UBE2D2: variants seen among roughly 807,000 people sequenced by gnomAD.
UBE2D2 encodes the protein ubiquitin conjugating enzyme E2 D2.
Under a neutral mutation model 24.2 loss-of-function variants are expected in UBE2D2, and 2 were observed. That is an observed-to-expected ratio of 0.08 (90% CI 0.03 to 0.26). The LOEUF (loss-of-function observed/expected upper bound fraction) is 0.26. Ranked by LOEUF, UBE2D2 falls within the 10% of genes least tolerant of loss-of-function variation. The pLI is 1.00. For synonymous variants in UBE2D2, 58 were observed against 56.5 expected (o/e 1.03, Z -0.12); for missense variants, 44 against 177.6 (o/e 0.25, Z 4.28).
At chr5:139,614,839 A>G (rs747185800) in intron 4 of UBE2D2, 22 bp from the exon 5 acceptor site, 1 of 1,612,710 alleles carries the variant, frequency 6.2e-7, no homozygotes, top group Non-Finnish European at 8.5e-7. Context: ...TAGTTTACAG[A>G]AAGTTTCCTT....
intron 1 of UBE2D2, among the ~76,000 whole-genome samples, chr5:139,528,306 T>C (rs533528256): frequency 1.3e-5 from 2 of 152,066 alleles, no homozygotes; most frequent in East Asian, 1.9e-4. Context: ...TCCATTTGGC[T>C]ATCCCTTTCA....
intron 2 of UBE2D2, among the ~76,000 whole-genome samples, chr5:139,602,417 C>A (rs773450010): frequency 1.3e-5 from 2 of 152,162 alleles, no homozygotes; most frequent in Non-Finnish European, 2.9e-5. Context: ...TGGCTCACAC[C>A]TGTAATCTCA....
intron 2 of UBE2D2, among the ~76,000 whole-genome samples, 195 bp from the exon 3 acceptor site, chr5:139,614,391 C>T (rs774901379): frequency 2.5e-4 from 38 of 152,042 alleles, no homozygotes; most frequent in Admixed American, 5.2e-4. Context: ...CATTGAGCAC[C>T]TTATCAGTGT....
At chr5:139,560,544 C>G (rs943823859), upstream of UBE2D2, among the ~76,000 whole-genome samples, 10 of 152,086 alleles carry the variant, frequency 6.6e-5, no homozygotes, top group South Asian at 4.1e-4. Context: ...GTTGGCCAGG[C>G]TGGTCTCGAA....
intron 6 of UBE2D2, 125 bp from the exon 7 acceptor site, chr5:139,626,631 A>T: frequency 1.3e-6 from 1 of 746,520 alleles, no homozygotes; most frequent in Non-Finnish European, 2.3e-6. Flanking sequence ...TTGGGATAGA[A>T]AGGGGCCTTT....
chr5:139,584,458 A>G (rs1406978823), intron 1 of UBE2D2, among the ~76,000 whole-genome samples: 1 of 119,068 alleles, frequency 8.4e-6, no homozygotes, highest in Non-Finnish European at 1.6e-5. Context: ...TTGCTAAAGT[A>G]CTCAAAGAAA....
Position 139,555,924 on chromosome 5 carries a change from CAAAAAAAAAAAAAAAAA to C in UBE2D2, c.-64+29326_-64+29342del, listed in dbSNP as rs1168084041. ...CTGGTGACAAAGGAAGACTCCATCT[CAAAAAAAAAAAAAAAAA>C]AAAAAAAAAAAAAGGCCAGGCACGG... On this transcript the variant is annotated intron_variant, in intron 1 of 6. Coordinates refer to the UBE2D2 transcript ENST00000511725. Among the ~76,000 whole-genome samples the C allele has an allele frequency of 3.9e-3, 36 of 9,324 alleles. 1 individual carries two copies. The highest frequency in any genetic ancestry group is 1.2e-3 in the Non-Finnish European group (6 of 5,008). 6.1% of individuals were successfully genotyped at this position (9,324 alleles called of 152,430 possible).
intron 5 of UBE2D2, among the ~76,000 whole-genome samples, chr5:139,616,342 G>T (rs962478931): frequency 2.0e-5 from 3 of 151,788 alleles, no homozygotes; most frequent in Admixed American, 2.0e-4. Flanking sequence ...TCAAAAACAA[G>T]AATATTTATC....
intron 5 of UBE2D2, among the ~76,000 whole-genome samples, chr5:139,617,502 A>G (rs1033439806): frequency 4.7e-5 from 7 of 149,046 alleles, no homozygotes; most frequent in Admixed American, 4.1e-4. Context: ...TCAGCCTCCC[A>G]AGTAGCTGGG....
At chr5:139,558,644 A>G (rs987463221), upstream of UBE2D2, among the ~76,000 whole-genome samples, 6 of 152,080 alleles carry the variant, frequency 3.9e-5, no homozygotes, top group Admixed American at 6.6e-5. Context: ...ATGACCCCAC[A>G]TTTTTCAAAG....
chr5:139,527,414 T>C (rs534242105), intron 1 of UBE2D2, among the ~76,000 whole-genome samples: 47 of 152,330 alleles, frequency 3.1e-4, no homozygotes, highest in African/African-American at 1.1e-3. Context: ...AACAAGGTCT[T>C]ATTAATAGCA....
chr5:139,555,177 C>T (rs189199220), intron 1 of UBE2D2, among the ~76,000 whole-genome samples: 14 of 152,110 alleles, frequency 9.2e-5, no homozygotes, highest in African/African-American at 2.9e-4. Context: ...CCTGAAGTAG[C>T]TGGGACTACA....
At chr5:139,561,848 C>G (rs1251959815) in intron 1 of UBE2D2, 33 bp downstream of exon 1, 8 of 1,471,238 alleles carry the variant, frequency 5.4e-6, no homozygotes, top group Admixed American at 2.6e-5. Flanking sequence ...CGCTGCTGGC[C>G]AGCTGAGCAG....
chr5:139,550,672 C>T (rs1224156608), intron 1 of UBE2D2, among the ~76,000 whole-genome samples: 2 of 151,520 alleles, frequency 1.3e-5, no homozygotes, highest in Non-Finnish European at 2.9e-5. Flanking sequence ...TGAAGCTCTG[C>T]AGCCTCAATC....
chr5:139,620,983 G>A (rs1240421507), intron 5 of UBE2D2, among the ~76,000 whole-genome samples: 4 of 152,322 alleles, frequency 2.6e-5, no homozygotes, highest in Admixed American at 6.5e-5. Flanking sequence ...GGTAGTTCAC[G>A]CCTGTAATCC....
intron 5 of UBE2D2, among the ~76,000 whole-genome samples, chr5:139,615,741 AGTT>A (rs1561520801): frequency 6.6e-6 from 1 of 151,264 alleles, no homozygotes; most frequent in Non-Finnish European, 1.5e-5. Flanking sequence ...TGAGTGATGT[AGTT>A]GTTGTCTTAA....
At chr5:139,606,302 C>T (rs1754198532) in intron 2 of UBE2D2, among the ~76,000 whole-genome samples, 1 of 152,094 alleles carries the variant, frequency 6.6e-6, no homozygotes, top group Non-Finnish European at 1.5e-5. Flanking sequence ...GCTGGGATTA[C>T]AGGCATGCAC....
At chr5:139,563,664 G>C (rs1256607294) in intron 1 of UBE2D2, among the ~76,000 whole-genome samples, 3 of 152,158 alleles carry the variant, frequency 2.0e-5, no homozygotes, top group African/African-American at 7.2e-5. Context: ...CGGGCGCGGT[G>C]GCTCACGCCT....
chr5:139,537,643 C>T (rs1488864580), intron 1 of UBE2D2, among the ~76,000 whole-genome samples: 2 of 151,888 alleles, frequency 1.3e-5, no homozygotes, highest in Non-Finnish European at 2.9e-5. Flanking sequence ...CATGAGCCAC[C>T]ATGCTCGGCC....
Sources: allele counts gnomAD v4.1 joint callset (sites outside exome capture counted in the v4.1 genomes callset), GRCh38; gene constraint gnomAD v4.1.1; transcripts MANE v1.5; gene names NCBI Gene and HGNC (gene_info 2026-07-23, HGNC 2026-07-21).